The following ZNF680 variants were observed in gnomAD, a reference collection of about 807,000 sequenced individuals.
ZNF680 encodes the protein hypothetical protein FLJ90430.
Under a neutral mutation model 12.1 loss-of-function variants are expected in ZNF680, and 6 were observed. The ratio of observed to expected loss-of-function variants is 0.49; its 90% CI spans 0.27 to 0.98. The LOEUF is 0.98. Among genes scored for constraint, ZNF680 ranks in the 50% least tolerant of loss-of-function variants. ZNF680 has a pLI of 0.12. For missense variants in ZNF680, 561 were observed against 616.3 expected, an observed-to-expected ratio of 0.91 and a Z score of 0.95; for synonymous variants, 170 against 199.3, an observed-to-expected ratio of 0.85 and a Z score of 1.24.
chr7:64,541,082 A>G (rs895415685), intron 3 of ZNF680, among the ~76,000 whole-genome samples: 2 of 152,194 alleles, frequency 1.3e-5, no homozygotes, highest in Non-Finnish European at 2.9e-5. Context: ...TAAAAATTAT[A>G]TATTTTGCAG....
chr7:64,530,161 T>C (rs1168318114), intron 3 of ZNF680, among the ~76,000 whole-genome samples: 1 of 152,108 alleles, frequency 6.6e-6, no homozygotes, highest in East Asian at 1.9e-4. Flanking sequence ...GCTCTAAATC[T>C]TGAAACAAAT....
At chr7:64,506,012 A>G in the ZNF680 span, among the ~76,000 whole-genome samples, 1 of 152,074 alleles carries the variant, frequency 6.6e-6, no homozygotes. Flanking sequence ...CTCCCTTTTG[A>G]TGGCCACAAA....
intron 3 of ZNF680, among the ~76,000 whole-genome samples, chr7:64,528,477 T>C (rs1477152690): frequency 6.6e-6 from 1 of 152,124 alleles, no homozygotes; most frequent in African/African-American, 2.4e-5. Context: ...CTTGGTGCTG[T>C]TAGGTGGGGC....
chr7:64,503,227 T>TG, the ZNF680 span, among the ~76,000 whole-genome samples: 1 of 151,970 alleles, frequency 6.6e-6, no homozygotes. Context: ...TATAATGTGT[T>TG]GCCATGACTT....
At chr7:64,530,715 C>T (rs367800154) in intron 3 of ZNF680, among the ~76,000 whole-genome samples, 2 of 151,524 alleles carry the variant, frequency 1.3e-5, no homozygotes, top group African/African-American at 2.4e-5. Flanking sequence ...AAAAATTAGC[C>T]GGGTGTGGTG....
intron 3 of ZNF680, chr7:64,526,576 T>C (rs527722900): frequency 5.0e-6 from 2 of 402,640 alleles, no homozygotes; most frequent in Non-Finnish European, 8.8e-6. Context: ...AAAAAAATGA[T>C]GCTGGACAGC....
intron 3 of ZNF680, among the ~76,000 whole-genome samples, chr7:64,539,526 G>C (rs1360016277): frequency 6.6e-6 from 1 of 152,106 alleles, no homozygotes; most frequent in Non-Finnish European, 1.5e-5. Context: ...AAGCGTGTCT[G>C]TCAAGGGCTG....
chr7:64,526,807 G>A (rs1050404291), intron 3 of ZNF680, among the ~76,000 whole-genome samples: 4 of 152,100 alleles, frequency 2.6e-5, no homozygotes, highest in African/African-American at 9.7e-5. Context: ...TTAAATTGAA[G>A]TTGTTATGAA....
the ZNF680 span, among the ~76,000 whole-genome samples, chr7:64,510,023 T>TAAAAAA: frequency 5.7e-4 from 60 of 105,894 alleles, no homozygotes; most frequent in Admixed American, 6.6e-4. Flanking sequence ...CGTAAAACTC[T>TAAAAAA]AAAAAAAAAA....
At chr7:64,525,975 G>T (rs1355555157) in intron 3 of ZNF680, 1 of 985,108 alleles carries the variant, frequency 1.0e-6, no homozygotes, top group Non-Finnish European at 1.2e-6. Flanking sequence ...ATTTGACTTT[G>T]TTCCACACTG....
chr7:64,514,345 T>A, the ZNF680 span, among the ~76,000 whole-genome samples: 1 of 152,336 alleles, frequency 6.6e-6, no homozygotes, highest in Middle Eastern at 3.4e-3. Flanking sequence ...CAATCACAAT[T>A]AAGGTTATGT....
chr7:64,556,798 T>G (rs888337536), intron 1 of ZNF680, among the ~76,000 whole-genome samples: 2 of 152,162 alleles, frequency 1.3e-5, no homozygotes, highest in African/African-American at 4.8e-5. Context: ...AAAGCAAAAC[T>G]TGATAAATGG....
chr7:64,554,354 G>GCCCCGTCCGGGAGGTGGGGGGCAGCCC (rs1787277986), intron 1 of ZNF680, among the ~76,000 whole-genome samples: 1 of 151,878 alleles, frequency 6.6e-6, no homozygotes, highest in Non-Finnish European at 1.5e-5. Context: ...CCTGGCAGCC[G>GCCCCGTCCGGGAGGTGGGGGGCAGCCC]CCCCGTCCGG....
the ZNF680 span, among the ~76,000 whole-genome samples, chr7:64,502,942 T>A: frequency 3.4e-4 from 51 of 152,006 alleles, no homozygotes; most frequent in Non-Finnish European, 2.2e-4. Context: ...CAGGCTGGAG[T>A]GCAGTGGCAC....
chr7:64,561,854 C>G (rs1378111235), intron 1 of ZNF680, among the ~76,000 whole-genome samples: 2 of 144,598 alleles, frequency 1.4e-5, no homozygotes, highest in African/African-American at 2.6e-5. Flanking sequence ...AGAATGGCGT[C>G]AACCCAGGAG....
downstream of ZNF680, among the ~76,000 whole-genome samples, chr7:64,517,219 AAG>A (rs1390072659): frequency 6.6e-6 from 1 of 152,148 alleles, no homozygotes; most frequent in African/African-American, 2.4e-5. Flanking sequence ...TTAAGAAAAA[AAG>A]AGAGAATATT....
chr7:64,516,041 A>G (rs755581276), downstream of ZNF680, among the ~76,000 whole-genome samples: 1 of 152,162 alleles, frequency 6.6e-6, no homozygotes, highest in Non-Finnish European at 1.5e-5. Flanking sequence ...CTAAGTCACA[A>G]GATCTCCAAA....
At chr7:64,526,489 A>C in intron 3 of ZNF680, 3 of 1,048,562 alleles carry the variant, frequency 2.9e-6, no homozygotes, top group Non-Finnish European at 2.8e-6. Context: ...CCAGGAGTTC[A>C]AGATCAGCCT....
rs763801035 is a variant in ZNF680, at chr7:64,522,366, C to T, written c.388G>A (p.Asp130Asn). 1.1e-5 allele frequency: 17 copies of T among 1,612,694 alleles called. No individual in the cohort carries two copies. The highest frequency in any genetic ancestry group is 1.4e-5 in the Non-Finnish European group (16 of 1,179,368). Residue 130 changes from aspartate (D) to asparagine (N), a missense_variant, in exon 4 of 4, where the codon GAT becomes AAT. Transcript: ENST00000309683. ...LQLRISCKSV[D>N]ESKVFKEGYN... ...CCTTCTTTGAACACCTTAGACTCATCCACACTTTTACAACTTATTCTTAAT... is the reference window on the plus strand; with the variant it reads ...CCTTCTTTGAACACCTTAGACTCATTCACACTTTTACAACTTATTCTTAAT...
Sources: gnomAD v4.1 joint callset for allele counts (sites outside exome capture counted in the v4.1 genomes callset) on GRCh38, gnomAD v4.1.1 for gene constraint, MANE v1.5 for transcripts, NCBI Gene and HGNC (gene_info 2026-07-23, HGNC 2026-07-21) for gene names.